Variants in EIF4G3 observed in about 807,000 individuals in gnomAD.
The protein encoded by EIF4G3 is eIF-4-gamma 3.
EIF4G3 carries 34 observed loss-of-function variants against 186.4 expected under a neutral mutation model. The ratio of observed to expected loss-of-function variants is 0.18; its 90% CI spans 0.14 to 0.24. The LOEUF is 0.24. EIF4G3 is among the 10% of genes least tolerant of loss of function. EIF4G3 has a pLI of 1.00. For missense variants in EIF4G3, 1,536 were observed against 1,948.5 expected (o/e 0.79, Z 3.99); for synonymous variants, 673 against 679.5 (o/e 0.99, Z 0.15).
rs1458372567 is a variant in EIF4G3, at chr1:20,963,039, A to G, written c.714+6435T>C. 1.1e-4 allele frequency among the ~76,000 whole-genome samples: 17 copies of G among 151,172 alleles called. No individual in the cohort carries two copies. In the Admixed American group the frequency reaches 1.1e-3, roughly 10 times the overall value. On this transcript the variant is annotated intron_variant, in intron 12 of 36. Transcript: ENST00000602326. ...AGTGCTGGGATTACAGGCGTGCACC[A>G]CCATGTCCAGATTGCATATTTGTGT...
chr1:20,928,547 C>T (rs923800786), intron 14 of EIF4G3, among the ~76,000 whole-genome samples: 4 of 151,992 alleles, frequency 2.6e-5, no homozygotes, highest in African/African-American at 9.7e-5. Flanking sequence ...GGACTATAGG[C>T]GTGCACCACC....
chr1:20,941,516 T>C lies in EIF4G3; in HGVS notation c.1638A>G (p.Leu546=). The part of the protein sequence containing the change: ...QTEEILDSQN[L]NSRRSPVPAQ... ...CTGGGACAGGGCTCCTTCTTGAATT[T>C]AAGTTTTGAGAATCCAAAATCTCTT... Residue 546 remains leucine (L), a synonymous_variant, in exon 14 of 37, where the codon TTA becomes TTG. Coordinates refer to ENST00000602326, the MANE Select transcript of EIF4G3 (RefSeq NM_001391906.1). 6.2e-7 allele frequency: 1 copy of C among 1,610,578 alleles called. No homozygotes were observed. The highest frequency in any genetic ancestry group is 8.5e-7 in the Non-Finnish European group (1 of 1,178,522).
intron 18 of EIF4G3, chr1:20,892,862 C>T (rs2086580828): frequency 1.6e-6 from 1 of 629,884 alleles, no homozygotes; most frequent in Admixed American, 3.0e-5. Context: ...TTTTCAGAGA[C>T]AGGGTCTTGC....
chr1:21,043,113 G>A (rs1246509632), intron 4 of EIF4G3, among the ~76,000 whole-genome samples: 1 of 152,122 alleles, frequency 6.6e-6, no homozygotes, highest in East Asian at 1.9e-4. Context: ...AAACAGATGA[G>A]AGGTAGCCAG....
At position 21,005,699 on chromosome 1, in the gene EIF4G3, A is replaced by G. The variant is rs149180175; in HGVS notation, c.-66-2891T>C. Among the ~76,000 whole-genome samples the G allele has an allele frequency of 5.9e-3, 895 of 152,306 alleles. 8 individuals are homozygous for G. The highest frequency in any genetic ancestry group is 0.02 in the Middle Eastern group (6 of 294). ...AAAGATAAAGTTCTTTTGTTCAGAA[A>G]GAACACCCTTCCTGATCACAGATAT... On this transcript the variant is annotated intron_variant, in intron 4 of 36. Coordinates refer to ENST00000602326, the MANE Select transcript of EIF4G3 (RefSeq NM_001391906.1).
chr1:20,924,994 GAAAA>G (rs1351258565), intron 14 of EIF4G3, among the ~76,000 whole-genome samples: 2 of 152,156 alleles, frequency 1.3e-5, no homozygotes. Flanking sequence ...AGGAAAAACT[GAAAA>G]AGTCTTGTCT....
intron 12 of EIF4G3, among the ~76,000 whole-genome samples, chr1:20,961,255 T>A (rs2096562616): frequency 3.3e-5 from 5 of 151,946 alleles, no homozygotes; most frequent in Admixed American, 3.3e-4. Context: ...TGGTGGTGCA[T>A]GCCTGTAATC....
At chr1:21,164,453 G>A (rs1261698302) in intron 2 of EIF4G3, among the ~76,000 whole-genome samples, 8 of 152,122 alleles carry the variant, frequency 5.3e-5, no homozygotes, top group South Asian at 2.1e-4. Flanking sequence ...AAGGCTGGGC[G>A]GGGTGGCTGA....
chr1:21,115,742 G>C (rs551501896), intron 2 of EIF4G3, among the ~76,000 whole-genome samples: 1 of 152,212 alleles, frequency 6.6e-6, no homozygotes, highest in East Asian at 1.9e-4. Context: ...TAAAGAAACA[G>C]AGTCTCACTT....
chr1:20,897,263 C>T lies in EIF4G3; in HGVS notation c.2000-1762G>A, dbSNP rs554425460. 3.9e-5 allele frequency among the ~76,000 whole-genome samples: 6 copies of T among 152,152 alleles called. No homozygotes were observed. In the South Asian group the frequency reaches 6.2e-4, roughly 16 times the overall value. On this transcript the variant is annotated intron_variant, in intron 16 of 36. Coordinates refer to ENST00000602326, the MANE Select transcript of EIF4G3 (RefSeq NM_001391906.1). Reference sequence around the variant, plus strand: ...ACACTAAGTAACCTTTGGCCAGGGACATGTAATAATCCTCATTAAATAAAT... The same window carrying T: ...ACACTAAGTAACCTTTGGCCAGGGATATGTAATAATCCTCATTAAATAAAT...
rs145693851 is a variant in EIF4G3, at chr1:20,876,188, A to G, written c.2622+3135T>C. Among the ~76,000 whole-genome samples, 1,277 of 141,354 alleles carry G rather than the reference A, an allele frequency of 9.0e-3. 24 individuals carry two copies. Among genetic ancestry groups the G allele is most frequent in the African/African-American group, 0.032 (1,226 of 37,852 alleles). The allele number at this position is 141,354 out of a possible 152,430, so 92.7% of individuals were successfully genotyped here. A position where few individuals can be genotyped will look rare whatever the true frequency, so the allele number is the denominator to read the frequency against. On this transcript the variant is annotated intron_variant, in intron 20 of 36. Transcript: ENST00000602326. ...CAGTGAGCTGTGATCACACCACTGT[A>G]CTCCAGCCTGGGATATAGAGTGAGA...
intron 2 of EIF4G3, among the ~76,000 whole-genome samples, chr1:21,114,335 C>T (rs779599312): frequency 4.6e-5 from 7 of 151,992 alleles, no homozygotes; most frequent in Non-Finnish European, 1.0e-4. Flanking sequence ...TTAGTAGAGA[C>T]GGGGTTTCAC....
At chr1:20,970,783 GTGAAACC>G (rs2075724686) in intron 11 of EIF4G3, among the ~76,000 whole-genome samples, 2 of 152,114 alleles carry the variant, frequency 1.3e-5, no homozygotes, top group African/African-American at 4.8e-5. Flanking sequence ...GGCCAACATG[GTGAAACC>G]CTGTCTCTAC....
chr1:20,822,403 T>C (rs1286020851), intron 33 of EIF4G3, among the ~76,000 whole-genome samples: 1 of 144,346 alleles, frequency 6.9e-6, no homozygotes, highest in Non-Finnish European at 1.5e-5. Context: ...CTCGCCCTTT[T>C]GTCCAGGCTG....
intron 12 of EIF4G3, among the ~76,000 whole-genome samples, chr1:20,963,756 C>A (rs2154564882): frequency 6.6e-6 from 1 of 151,976 alleles, no homozygotes; most frequent in Admixed American, 6.5e-5. Context: ...GTGTTCGAGA[C>A]CAGCCTGGGT....
In EIF4G3 at chr1:20,817,473, A is replaced by C. The variant is rs373080283; in HGVS notation, c.4434T>G (p.Ser1478=). 2.5e-6 allele frequency: 4 copies of C among 1,608,668 alleles called. No individual in the cohort carries two copies. The highest frequency in any genetic ancestry group is 2.5e-6 in the Non-Finnish European group (3 of 1,177,050). ...SSEALSKKEL[S]AEELYKRLEK... is the part of the protein sequence containing the mutation. Reference sequence around the variant, plus strand: ...CGAGTCGCTTATACAGCTCTTCGGCAGACAGTTCTTTCTTTGAAAGTGCTT... The same window carrying C: ...CGAGTCGCTTATACAGCTCTTCGGCCGACAGTTCTTTCTTTGAAAGTGCTT... Residue 1478 remains serine (S), a synonymous_variant, in exon 34 of 37, where the codon TCT becomes TCG. Coordinates refer to ENST00000602326, the MANE Select transcript of EIF4G3 (RefSeq NM_001391906.1).
chr1:21,093,079 C>G (rs1226861687), intron 2 of EIF4G3, among the ~76,000 whole-genome samples: 1 of 152,136 alleles, frequency 6.6e-6, no homozygotes. Context: ...GCAATGGCAA[C>G]AAAAGACAAA....
intron 2 of EIF4G3, among the ~76,000 whole-genome samples, chr1:21,139,536 AG>A (rs2097303384): frequency 6.6e-6 from 1 of 152,222 alleles, no homozygotes; most frequent in African/African-American, 2.4e-5. Flanking sequence ...CTTTCGAAAA[AG>A]GTATTGTGCA....
intron 3 of EIF4G3, among the ~76,000 whole-genome samples, chr1:21,076,845 G>A (rs2095604182): frequency 6.6e-6 from 1 of 151,994 alleles, no homozygotes; most frequent in African/African-American, 2.4e-5. Flanking sequence ...ACGAATACAA[G>A]AAAACACCAA....
Sources: allele counts gnomAD v4.1 joint callset (sites outside exome capture counted in the v4.1 genomes callset), GRCh38; gene constraint gnomAD v4.1.1; transcripts MANE v1.5; gene names NCBI Gene and HGNC (gene_info 2026-07-23, HGNC 2026-07-21).